Variants in KCNG2 observed in about 807,000 individuals in gnomAD.
KCNG2 encodes the protein potassium voltage-gated channel modifier subfamily G member 2.
KCNG2 carries 7 observed loss-of-function variants against 12.3 expected under a neutral mutation model. That is an observed-to-expected ratio of 0.57 (90% CI 0.32 to 1.07). The LOEUF (loss-of-function observed/expected upper bound fraction) is 1.07. Among genes scored for constraint, KCNG2 ranks in the 50% least tolerant of loss-of-function variants. The probability of loss-of-function intolerance (pLI) is 0.04; values close to 1 mark genes in which losing one functional copy is unlikely to be tolerated. For synonymous variants in KCNG2, 414 were observed against 351.4 expected (o/e 1.18, Z -1.99); for missense variants, 703 against 726.0 (o/e 0.97, Z 0.36).
chr18:79,819,361 T>C (rs1599369469), intron 1 of KCNG2, among the ~76,000 whole-genome samples: 1 of 152,172 alleles, frequency 6.6e-6, no homozygotes, highest in Admixed American at 6.5e-5. Flanking sequence ...GCTGTACGGG[T>C]GAGGCTGAGC....
At chr18:79,872,350 A>G (rs1979882146) in intron 3 of KCNG2, among the ~76,000 whole-genome samples, 1 of 123,862 alleles carries the variant, frequency 8.1e-6, no homozygotes, top group African/African-American at 2.9e-5. Context: ...CAATGGCGCA[A>G]TCACAGCTTA....
At chr18:79,820,679 G>C (rs578077146) in intron 1 of KCNG2, among the ~76,000 whole-genome samples, 1 of 152,226 alleles carries the variant, frequency 6.6e-6, no homozygotes, top group East Asian at 1.9e-4. Flanking sequence ...TATTTATTTA[G>C]AGACAGGGTC....
intron 1 of KCNG2, among the ~76,000 whole-genome samples, chr18:79,811,848 G>A (rs1251648056): frequency 6.6e-6 from 1 of 152,172 alleles, no homozygotes; most frequent in African/African-American, 2.4e-5. Flanking sequence ...ACTGCATGGG[G>A]TGAACAGTAA....
At position 79,877,203 on chromosome 18, in the gene KCNG2, ATAGT is replaced by A. The variant is rs1466439415; in HGVS notation, c.624+12917_624+12920del. ...TTCAAAGTCAAACTGTTATGAATTCATAGTTAGTAAAATGAGTCAATAATTATTT... is the reference window on the plus strand; with the variant it reads ...TTCAAAGTCAAACTGTTATGAATTCATAGTAAAATGAGTCAATAATTATTT... On this transcript the variant is annotated intron_variant, in intron 3 of 3. Transcript: ENST00000316249. Among the ~76,000 whole-genome samples, 43 of 152,380 alleles carry A rather than the reference ATAGT, an allele frequency of 2.8e-4. 1 individual carries two copies. The highest frequency in any genetic ancestry group is 9.1e-4 in the African/African-American group (38 of 41,600).
In KCNG2 at chr18:79,822,810, G is replaced by A. The variant is rs540818298; in HGVS notation, c.-115+24796G>A. Among the ~76,000 whole-genome samples, 101 of 152,256 alleles carry A rather than the reference G, an allele frequency of 6.6e-4. No individual in the cohort carries two copies. The highest frequency in any genetic ancestry group is 1.2e-3 in the Non-Finnish European group (80 of 68,016). ...CTAGTCTTTAGCCTCCGGATTTCAT[G>A]GAAACACATTTTCCACAATTACCTG... On this transcript the variant is annotated intron_variant, in intron 1 of 3. Transcript: ENST00000316249. The surrounding 1 kb of genome is among the most constrained non-coding windows in gnomAD (Gnocchi z 4.4).
At chr18:79,828,547 CTGTG>C (rs1484738401) in intron 1 of KCNG2, among the ~76,000 whole-genome samples, 2 of 149,576 alleles carry the variant, frequency 1.3e-5, no homozygotes, top group South Asian at 2.2e-4. Flanking sequence ...GTGTGTGCAT[CTGTG>C]TGTCTATCTG....
intron 3 of KCNG2, among the ~76,000 whole-genome samples, chr18:79,883,001 G>T (rs1274111584): frequency 6.6e-6 from 1 of 152,264 alleles, no homozygotes; most frequent in Non-Finnish European, 1.5e-5. Flanking sequence ...CACGTACAGA[G>T]CGAGTGTTCA....
Position 79,800,347 on chromosome 18 carries a change from A to G in KCNG2, c.-115+2333A>G, listed in dbSNP as rs1179799792. On this transcript the variant is annotated intron_variant, in intron 1 of 3. Coordinates refer to ENST00000316249, the MANE Select transcript of KCNG2 (RefSeq NM_012283.2). This position sits in a 1 kb window ranked among gnomAD's most constrained non-coding sequence, Gnocchi z 4.0. ...TCTTAGGGCTAACGCTTGGTCAGGGATGTTCTTGGTGGTAAGGAAAGGAGC... is the reference window on the plus strand; with the variant it reads ...TCTTAGGGCTAACGCTTGGTCAGGGGTGTTCTTGGTGGTAAGGAAAGGAGC... Among the ~76,000 whole-genome samples the G allele has an allele frequency of 6.6e-6, 1 of 151,958 alleles. No individual in the cohort carries two copies. The highest frequency in any genetic ancestry group is 1.5e-5 in the Non-Finnish European group (1 of 67,962).
At chr18:79,835,300 C>A (rs1161051052) in intron 1 of KCNG2, among the ~76,000 whole-genome samples, 1 of 152,164 alleles carries the variant, frequency 6.6e-6, no homozygotes, top group Non-Finnish European at 1.5e-5. Context: ...TACCAAGAGC[C>A]AGAAAGATTT....
rs1478074384 is a variant in KCNG2 at position 79,800,101 on chromosome 18, G to A, written c.-115+2087G>A. On this transcript the variant is annotated intron_variant, in intron 1 of 3. Coordinates refer to ENST00000316249, the MANE Select transcript of KCNG2 (RefSeq NM_012283.2). The surrounding 1 kb of genome is among the most constrained non-coding windows in gnomAD (Gnocchi z 4.0). ...ACCTGGAGGGCAGCGCGAACGGAGG[G>A]CTGTTTGTCGTGGGAGGCGCGTCTC... Among the ~76,000 whole-genome samples the A allele has an allele frequency of 6.6e-6, 1 of 152,178 alleles. No homozygotes were observed. The highest frequency in any genetic ancestry group is 6.5e-5 in the Admixed American group (1 of 15,276).
intron 1 of KCNG2, among the ~76,000 whole-genome samples, chr18:79,809,860 C>A (rs2122993462): frequency 1.3e-5 from 2 of 152,370 alleles, no homozygotes; most frequent in South Asian, 4.1e-4. Context: ...CCCTCTGCGT[C>A]TCCTTCATTG....
chr18:79,827,696 C>G (rs1978287200), intron 1 of KCNG2, among the ~76,000 whole-genome samples: 1 of 152,130 alleles, frequency 6.6e-6, no homozygotes, highest in Non-Finnish European at 1.5e-5. Context: ...GCCCTGGAAC[C>G]CCGCTTATTA....
At position 79,863,651 on chromosome 18, in the gene KCNG2, C is replaced by T; in HGVS notation, c.-17C>T. On this transcript the variant is annotated 5_prime_UTR_variant, in exon 3 of 4. Coordinates refer to ENST00000316249, the MANE Select transcript of KCNG2 (RefSeq NM_012283.2). ...AGGAGCCGGGCAGGAGCCCCTCGGT[C>T]CGGTCCGGCCCTGCGCATGGAGCCA... The T allele has an allele frequency of 8.3e-7, 1 of 1,211,852 alleles. No individual in the cohort carries two copies. Among genetic ancestry groups the T allele is most frequent in the Non-Finnish European group, 1.0e-6 (1 of 973,852 alleles). The allele number at this position is 1,211,852 out of a possible 1,614,324, so 75.1% of individuals were successfully genotyped here.
At chr18:79,823,601 T>G (rs894296929) in intron 1 of KCNG2, among the ~76,000 whole-genome samples, 2 of 152,214 alleles carry the variant, frequency 1.3e-5, no homozygotes, top group African/African-American at 2.4e-5. Flanking sequence ...TTTTATCTTT[T>G]GTGAATGGCC....
At chr18:79,858,180 T>G (rs1979087359) in intron 2 of KCNG2, among the ~76,000 whole-genome samples, 1 of 152,036 alleles carries the variant, frequency 6.6e-6, no homozygotes, top group Admixed American at 6.6e-5. Context: ...TTTGTATTTT[T>G]TGGTAGAGAC....
intron 2 of KCNG2, among the ~76,000 whole-genome samples, chr18:79,858,228 C>G (rs1238532248): frequency 2.0e-5 from 3 of 152,220 alleles, no homozygotes; most frequent in Admixed American, 2.0e-4. Flanking sequence ...TCTCAAACTC[C>G]TGACCTCAAG....
intron 1 of KCNG2, among the ~76,000 whole-genome samples, chr18:79,844,718 A>G (rs916242350): frequency 2.0e-5 from 3 of 152,268 alleles, no homozygotes; most frequent in African/African-American, 4.8e-5. Context: ...CCACACAGCT[A>G]TGAGAATGCC....
chr18:79,812,562 A>G (rs1158277844), intron 1 of KCNG2, among the ~76,000 whole-genome samples: 1 of 152,212 alleles, frequency 6.6e-6, no homozygotes, highest in Admixed American at 6.5e-5. Flanking sequence ...ACAAAAAAAG[A>G]AAACTAGAAA....
In KCNG2 at chr18:79,884,635, G is replaced by A. The variant is rs529794657; in HGVS notation, c.625-14405G>A. On this transcript the variant is annotated intron_variant, in intron 3 of 3. Coordinates refer to ENST00000316249, the MANE Select transcript of KCNG2 (RefSeq NM_012283.2). This position sits in a 1 kb window ranked among gnomAD's most constrained non-coding sequence, Gnocchi z 5.5. The stretch of plus-strand genomic sequence containing the variant: ...GATTCCTTTCATCGTTGCTTTTTGT[G>A]TTTTCTACCTAGAGCGGAGAAATGT... Among the ~76,000 whole-genome samples the A allele has an allele frequency of 6.6e-6, 1 of 152,306 alleles. No individual in the cohort carries two copies. The highest frequency in any genetic ancestry group is 2.4e-5 in the African/African-American group (1 of 41,574).
Sources: allele counts gnomAD v4.1 joint callset (sites outside exome capture counted in the v4.1 genomes callset), GRCh38; gene constraint gnomAD v4.1.1; non-coding constraint Gnocchi (gnomAD v3.1); transcripts MANE v1.5; gene names NCBI Gene and HGNC (gene_info 2026-07-23, HGNC 2026-07-21).